EHMT1: variants seen among roughly 807,000 people sequenced by gnomAD.
EHMT1 encodes the protein histone-lysine N-methyltransferase EHMT1.
A neutral mutation model predicts 147.2 loss-of-function variants in EHMT1; 15 were observed. The observed-to-expected ratio is 0.10, with a 90% CI of 0.07 to 0.16. EHMT1 has a LOEUF of 0.16. Ranked by LOEUF, EHMT1 falls within the 10% of genes least tolerant of loss-of-function variation. EHMT1 has a pLI of 1.00. For missense variants in EHMT1, 1,587 were observed against 1,772.4 expected, an observed-to-expected ratio of 0.90 and a Z score of 1.88; for synonymous variants, 795 against 709.6, an observed-to-expected ratio of 1.12 and a Z score of -1.91.
rs1278719289 is a variant in EHMT1 at position 137,651,887 on chromosome 9, AG to A, written c.21+32840del. The stretch of plus-strand genomic sequence containing the variant: ...GCAATAGGCATTATGTGTCCTGCTC[AG>A]GTAAACAAACCTACTCTGCTATCAG... On this transcript the variant is annotated intron_variant, in intron 1 of 26. Coordinates refer to ENST00000460843, the MANE Select transcript of EHMT1 (RefSeq NM_024757.5). 3.7e-4 allele frequency among the ~76,000 whole-genome samples: 56 copies of A among 152,376 alleles called. 1 individual carries two copies. The East Asian group carries it at 5.6e-3, about 15-fold the overall frequency.
intron 1 of EHMT1, among the ~76,000 whole-genome samples, chr9:137,678,937 T>C (rs1424740312): frequency 6.6e-6 from 1 of 151,964 alleles, no homozygotes; most frequent in Non-Finnish European, 1.5e-5. Context: ...TGAGAATTTG[T>C]TTATTTATCT....
At chr9:137,652,727 CT>C (rs60537357) in intron 1 of EHMT1, among the ~76,000 whole-genome samples, 343 of 134,294 alleles carry the variant, frequency 2.6e-3, no homozygotes, top group Middle Eastern at 4.4e-3. Flanking sequence ...AGAAGTTAAA[CT>C]TTTTTTTTTT....
chr9:137,820,963 C>T (rs1365417058), intron 25 of EHMT1, among the ~76,000 whole-genome samples: 1 of 152,180 alleles, frequency 6.6e-6, no homozygotes, highest in African/African-American at 2.4e-5. Context: ...CTGCAAGCTC[C>T]GCCTCCCAGG....
intron 10 of EHMT1, 80 bp downstream of exon 10, chr9:137,762,900 C>T: frequency 6.3e-7 from 1 of 1,591,712 alleles, no homozygotes. Flanking sequence ...CCGACAGCCC[C>T]TCGAGTGAGT....
At position 137,619,015 on chromosome 9, in the gene EHMT1, T is replaced by A; in HGVS notation, c.-14T>A. ...GCGCGCGGGAGGGGCGGGGCCACGCTGCGGGCCCGGGCCATGGCCGCCGCC... is the reference window on the plus strand; with the variant it reads ...GCGCGCGGGAGGGGCGGGGCCACGCAGCGGGCCCGGGCCATGGCCGCCGCC... On this transcript the variant is annotated 5_prime_UTR_variant, in exon 1 of 27. Coordinates refer to ENST00000460843, the MANE Select transcript of EHMT1 (RefSeq NM_024757.5). 1 of 971,408 alleles carries A rather than the reference T, an allele frequency of 1.0e-6. No individual in the cohort carries two copies. Among genetic ancestry groups the A allele is most frequent in the Non-Finnish European group, 1.2e-6 (1 of 819,358 alleles). The allele number at this position is 971,408 out of a possible 1,614,324, so 60.2% of individuals were successfully genotyped here. A position where few individuals can be genotyped will look rare whatever the true frequency, so the allele number is the denominator to read the frequency against.
chr9:137,717,923 T>C (rs889650741), intron 3 of EHMT1, among the ~76,000 whole-genome samples: 1 of 152,184 alleles, frequency 6.6e-6, no homozygotes, highest in Non-Finnish European at 1.5e-5. Context: ...TGCCGAGGTC[T>C]CCCTCCCAAC....
chr9:137,792,279 T>A (rs1952583939), intron 16 of EHMT1: 1 of 332,814 alleles, frequency 3.0e-6, no homozygotes, highest in Admixed American at 3.9e-5. Flanking sequence ...TGGTCACTGA[T>A]TTTTGGCAAA....
At chr9:137,707,572 G>T (rs1423722732) in intron 1 of EHMT1, among the ~76,000 whole-genome samples, 1 of 152,238 alleles carries the variant, frequency 6.6e-6, no homozygotes, top group Non-Finnish European at 1.5e-5. Context: ...CTGGCATGTT[G>T]GTCAGTGCTT....
chr9:137,801,481 C>T (rs1953482945), intron 18 of EHMT1, among the ~76,000 whole-genome samples: 1 of 152,020 alleles, frequency 6.6e-6, no homozygotes, highest in South Asian at 2.1e-4. Flanking sequence ...GCCACCGTGT[C>T]TGGCTAATTT....
chr9:137,716,806 C>T lies in EHMT1; in HGVS notation c.266C>T (p.Thr89Ile). 4 of 1,613,334 alleles carry T rather than the reference C, an allele frequency of 2.5e-6. No individual in the cohort carries two copies. Among genetic ancestry groups the T allele is most frequent in the Non-Finnish European group, 3.4e-6 (4 of 1,179,884 alleles). ...CCCCAGGATGGCACCAACACACTAA[C>T]TCGGATAGCGGAAAATGGGGTTTCA... ...VNPQDGTNTL[T>I]RIAENGVSER... The change falls in exon 3 of 27, where the codon ACT becomes ATT. Residue 89 changes from threonine (T) to isoleucine (I), a missense_variant. Physicochemically the swap from Thr to Ile is moderately conservative, Grantham distance 89. This residue lies in a region of EHMT1 where 810 missense variants were observed against 673.0 expected (regional missense o/e 1.20). Transcript: ENST00000460843.
intron 18 of EHMT1, among the ~76,000 whole-genome samples, chr9:137,803,737 G>T (rs982107603): frequency 2.6e-5 from 4 of 151,884 alleles, no homozygotes; most frequent in Non-Finnish European, 5.9e-5. Flanking sequence ...TGTGGTCCCA[G>T]GTACTCGGGA....
chr9:137,728,408 A>G lies in EHMT1; in HGVS notation c.702A>G (p.Lys234=), dbSNP rs1946814757. The change falls in exon 4 of 27, where the codon AAA becomes AAG. Residue 234 remains lysine, a synonymous_variant. Transcript: ENST00000460843. ...VREARDHKEP[K]EEINKNISDF... is the part of the protein sequence containing the mutation. ...AAGCTAGAGATCATAAGGAACCAAA[A>G]GAGGAGATCAACAAAAACATTTCTG... 1 of 1,614,124 alleles carries G rather than the reference A, an allele frequency of 6.2e-7. No homozygotes were observed. Among genetic ancestry groups the G allele is most frequent in the South Asian group, 1.1e-5 (1 of 91,088 alleles).
At chr9:137,653,987 C>G (rs1938153165) in intron 1 of EHMT1, among the ~76,000 whole-genome samples, 1 of 152,208 alleles carries the variant, frequency 6.6e-6, no homozygotes, top group African/African-American at 2.4e-5. Flanking sequence ...AAGCAGGGGT[C>G]CATCTTCACG....
intron 1 of EHMT1, among the ~76,000 whole-genome samples, chr9:137,669,130 G>A (rs114630453): frequency 0.013 from 2,044 of 152,176 alleles, 40 homozygotes; most frequent in African/African-American, 0.046. Context: ...CAGGTGATCC[G>A]CCTGCCTAGG....
chr9:137,777,743 A>G, intron 12 of EHMT1, 139 bp from the exon 13 acceptor site: 1 of 1,303,380 alleles, frequency 7.7e-7, no homozygotes, highest in African/African-American at 1.5e-5. Context: ...TGAATCCTGA[A>G]CCGTTAAATC....
intron 1 of EHMT1, among the ~76,000 whole-genome samples, chr9:137,626,212 G>A (rs1166315257): frequency 1.3e-5 from 2 of 151,166 alleles, no homozygotes. Flanking sequence ...ATTCTTTTTA[G>A]TATCTCCTGT....
intron 1 of EHMT1, among the ~76,000 whole-genome samples, chr9:137,706,843 A>G (rs1944309458): frequency 6.6e-6 from 1 of 151,498 alleles, no homozygotes; most frequent in Non-Finnish European, 1.5e-5. Flanking sequence ...ATTTTTTGAG[A>G]TGGAGTTTTG....
At chr9:137,644,485 G>A (rs751011354) in intron 1 of EHMT1, among the ~76,000 whole-genome samples, 17 of 151,936 alleles carry the variant, frequency 1.1e-4, no homozygotes, top group Non-Finnish European at 1.9e-4. Context: ...ATGCCACCAC[G>A]CCCAGCTAAT....
intron 17 of EHMT1, among the ~76,000 whole-genome samples, chr9:137,799,658 GCT>G (rs756201668): frequency 6.6e-6 from 1 of 152,298 alleles, no homozygotes; most frequent in East Asian, 1.9e-4. Flanking sequence ...CCTCACGCTC[GCT>G]CTCACTCCTT....
Sources: allele counts gnomAD v4.1 joint callset (sites outside exome capture counted in the v4.1 genomes callset), GRCh38; gene constraint gnomAD v4.1.1; regional missense constraint gnomAD v4.1.1; transcripts MANE v1.5; gene names NCBI Gene and HGNC (gene_info 2026-07-23, HGNC 2026-07-21).